Variants in NXN observed in about 807,000 individuals in gnomAD.
NXN encodes the protein nucleoredoxin 1.
In NXN, 16 loss-of-function variants were observed where a neutral mutation model predicts 48.6. That is an observed-to-expected ratio of 0.33 (90% confidence interval 0.22 to 0.50). The LOEUF is 0.50. Among genes scored for constraint, NXN ranks in the 20% least tolerant of loss-of-function variants. The probability of loss-of-function intolerance (pLI) is 0.98; values close to 1 mark genes in which losing one functional copy is unlikely to be tolerated. For missense variants in NXN, 492 were observed against 605.5 expected (o/e 0.81, Z 1.97); for synonymous variants, 281 against 269.6 (o/e 1.04, Z -0.41).
At chr17:861,143 C>CT (rs1555615511) in intron 1 of NXN, among the ~76,000 whole-genome samples, 6 of 151,928 alleles carry the variant, frequency 3.9e-5, no homozygotes, top group African/African-American at 9.7e-5. Flanking sequence ...TCAGCTCTTT[C>CT]TTTTTTTTGA....
In NXN at chr17:971,308, A is replaced by G. The variant is rs76942885; in HGVS notation, c.360+8011T>C. On this transcript the variant is annotated intron_variant, in intron 1 of 7. Transcript: ENST00000336868. ...AAAATGGAGAGTCAAGCTTTTTCCT[A>G]TTTTTGAGCACAGAATCACACGGCA... Among the ~76,000 whole-genome samples the G allele has an allele frequency of 5.6e-3, 857 of 152,106 alleles. 10 individuals carry two copies. The highest frequency in any genetic ancestry group is 0.035 in the South Asian group (167 of 4,818).
At chr17:973,564 AAT>A (rs1359837703) in intron 1 of NXN, among the ~76,000 whole-genome samples, 1 of 152,234 alleles carries the variant, frequency 6.6e-6, no homozygotes, top group Non-Finnish European at 1.5e-5. Context: ...GGCAGATAGA[AAT>A]ACAGAGCTCA....
At chr17:979,234 A>AGGGCAGGGGTACCGGGCGTGGGGGGC in intron 1 of NXN, 85 bp downstream of exon 1, 2 of 457,958 alleles carry the variant, frequency 4.4e-6, no homozygotes, top group East Asian at 2.9e-4. Flanking sequence ...GGGTTGGCGG[A>AGGGCAGGGGTACCGGGCGTGGGGGGC]GGGCAGGGGT....
At position 800,568 on chromosome 17, in the gene NXN, G is replaced by A. The variant is rs555498908; in HGVS notation, c.*381C>T. On this transcript the variant is annotated 3_prime_UTR_variant, in exon 8 of 8. Coordinates refer to ENST00000336868, the MANE Select transcript of NXN (RefSeq NM_022463.5). ...CCCGGCGGTTCCCCTCTGGCCGTCC[G>A]GGGCCGTGTGTGCCGACGTCAGAGT... 5.6e-5 allele frequency: 9 copies of A among 160,428 alleles called. No individual in the cohort carries two copies. The East Asian group carries it at 1.2e-3, about 22-fold the overall frequency. The allele number at this position is 160,428 out of a possible 1,614,324, so 9.9% of individuals were successfully genotyped here. A position where few individuals can be genotyped will look rare whatever the true frequency, so the allele number is the denominator to read the frequency against.
intron 1 of NXN, among the ~76,000 whole-genome samples, chr17:924,236 C>CTTA (rs1555622943): frequency 0.024 from 3,664 of 151,516 alleles, 143 homozygotes; most frequent in African/African-American, 0.084. Flanking sequence ...TTTGGGACAG[C>CTTA]TTATTTATTT....
intron 1 of NXN, among the ~76,000 whole-genome samples, chr17:975,071 C>G (rs572436774): frequency 6.6e-6 from 1 of 152,056 alleles, no homozygotes; most frequent in Non-Finnish European, 1.5e-5. Flanking sequence ...GTGATCCCCC[C>G]ACCTTGGCCT....
At chr17:925,539 C>T (rs927572505) in intron 1 of NXN, among the ~76,000 whole-genome samples, 7 of 152,348 alleles carry the variant, frequency 4.6e-5, no homozygotes, top group Admixed American at 1.3e-4. Context: ...CAGGCGCCCG[C>T]CACCATGTCT....
intron 1 of NXN, among the ~76,000 whole-genome samples, chr17:908,922 T>C (rs10153287): frequency 0.32 from 47,826 of 151,762 alleles, 8,465 homozygotes; most frequent in East Asian, 0.5. Flanking sequence ...GCCAACATGG[T>C]GAAACCCCCG....
At chr17:882,116 T>C (rs145540498) in intron 1 of NXN, among the ~76,000 whole-genome samples, 55 of 152,276 alleles carry the variant, frequency 3.6e-4, no homozygotes, top group Middle Eastern at 3.4e-3. Context: ...AAAGAACTCA[T>C]ACCAACAAGA....
intron 1 of NXN, among the ~76,000 whole-genome samples, chr17:826,800 T>C (rs1284292153): frequency 1.3e-5 from 2 of 152,190 alleles, no homozygotes; most frequent in East Asian, 3.9e-4. Flanking sequence ...CGGCTCTCGG[T>C]GCCGCGTAAA....
rs2069487584 is a variant in NXN at position 978,488 on chromosome 17, T to C, written c.360+831A>G. 2 of 152,386 alleles carry C rather than the reference T, an allele frequency of 1.3e-5. No individual in the cohort carries two copies. The highest frequency in any genetic ancestry group is 2.4e-5 in the African/African-American group (1 of 41,476). 9.4% of individuals were successfully genotyped at this position (152,386 alleles called of 1,614,324 possible). ...TGCATCGATGGGGTCAGCTCAGCCC[T>C]TAACTCGAAGACCCCGGGACCACAG... On this transcript the variant is annotated intron_variant, in intron 1 of 7. Coordinates refer to ENST00000336868, the MANE Select transcript of NXN (RefSeq NM_022463.5). This position sits in a 1 kb window ranked among gnomAD's most constrained non-coding sequence, Gnocchi z 4.1.
At chr17:939,503 G>A (rs1427634874) in intron 1 of NXN, among the ~76,000 whole-genome samples, 13 of 151,956 alleles carry the variant, frequency 8.6e-5, no homozygotes, top group East Asian at 1.9e-4. Flanking sequence ...CCGCCACCAC[G>A]CCTAATTAAT....
intron 1 of NXN, among the ~76,000 whole-genome samples, chr17:945,344 A>C (rs1209814066): frequency 6.6e-6 from 1 of 152,108 alleles, no homozygotes; most frequent in Non-Finnish European, 1.5e-5. Context: ...GGCGTCCTAA[A>C]GCAGTGGGAT....
chr17:928,692 C>T (rs9904798), intron 1 of NXN, among the ~76,000 whole-genome samples: 6,075 of 152,104 alleles, frequency 0.04, 414 homozygotes, highest in African/African-American at 0.14. Flanking sequence ...AAAAATTAGC[C>T]GGGCGTGGTG....
rs553607469 is a variant in NXN, at chr17:871,048, A to G, written c.361-44970T>C. 3.3e-3 allele frequency among the ~76,000 whole-genome samples: 497 copies of G among 152,126 alleles called. 3 individuals are homozygous for G. Among genetic ancestry groups the G allele is most frequent in the Middle Eastern group, 0.01 (3 of 294 alleles). ...TAAATTTTTTTTGTATTTTTAGTAG[A>G]GACGGGGTTTCACTGTGTTGGCCAG... On this transcript the variant is annotated intron_variant, in intron 1 of 7. Coordinates refer to ENST00000336868, the MANE Select transcript of NXN (RefSeq NM_022463.5).
At position 978,642 on chromosome 17, in the gene NXN, G is replaced by C. The variant is rs1417933151; in HGVS notation, c.360+677C>G. The C allele has an allele frequency of 6.6e-6, 1 of 152,290 alleles. No homozygotes were observed. The highest frequency in any genetic ancestry group is 2.4e-5 in the African/African-American group (1 of 41,456). The allele number at this position is 152,290 out of a possible 1,614,324, so 9.4% of individuals were successfully genotyped here. ...GCCGCGAACTCAGCCTGGGGCGGGG[G>C]AGGCGGGGGCGGGAGACGGAGCCGT... On this transcript the variant is annotated intron_variant, in intron 1 of 7. Coordinates refer to ENST00000336868, the MANE Select transcript of NXN (RefSeq NM_022463.5). The surrounding 1 kb of genome is among the most constrained non-coding windows in gnomAD (Gnocchi z 4.1).
chr17:966,960 C>T lies in NXN; in HGVS notation c.360+12359G>A, dbSNP rs570666729. Among the ~76,000 whole-genome samples, 31 of 152,236 alleles carry T rather than the reference C, an allele frequency of 2.0e-4. No individual in the cohort carries two copies. In the South Asian group the frequency reaches 4.4e-3, roughly 21 times the overall value. On this transcript the variant is annotated intron_variant, in intron 1 of 7. Transcript: ENST00000336868. ...TTGTCTGCAGTTCTTCACGGCCCAGCGGTCCCCTGGGAGAGGACGGCTGAG... is the reference window on the plus strand; with the variant it reads ...TTGTCTGCAGTTCTTCACGGCCCAGTGGTCCCCTGGGAGAGGACGGCTGAG...
At chr17:833,366 C>T (rs552374782) in intron 1 of NXN, among the ~76,000 whole-genome samples, 3 of 152,246 alleles carry the variant, frequency 2.0e-5, no homozygotes, top group Non-Finnish European at 4.4e-5. Context: ...ACACACGAAT[C>T]AGAAGGCGAC....
rs1219749882 is a variant in NXN at position 951,174 on chromosome 17, TTAAAAA to T, written c.360+28139_360+28144del. 4.4e-4 allele frequency among the ~76,000 whole-genome samples: 30 copies of T among 67,528 alleles called. 1 individual carries two copies. The highest frequency in any genetic ancestry group is 9.9e-4 in the African/African-American group (15 of 15,130). The allele number at this position is 67,528 out of a possible 152,430, so 44.3% of individuals were successfully genotyped here. On this transcript the variant is annotated intron_variant, in intron 1 of 7. Transcript: ENST00000336868. ...CAACATGGTGAAACCCTGTCTCTACTTAAAAAAAAAAAAAAAAAAAAAAAAAAAAGC... is the reference window on the plus strand; with the variant it reads ...CAACATGGTGAAACCCTGTCTCTACTAAAAAAAAAAAAAAAAAAAAAAAGC...
Sources: gnomAD v4.1 joint callset for allele counts (sites outside exome capture counted in the v4.1 genomes callset) on GRCh38, gnomAD v4.1.1 for gene constraint, Gnocchi (gnomAD v3.1) non-coding constraint, MANE v1.5 for transcripts, NCBI Gene and HGNC (gene_info 2026-07-23, HGNC 2026-07-21) for gene names.